Variants in DNAH5 observed in about 807,000 individuals in gnomAD.
The protein encoded by DNAH5 is axonemal beta dynein heavy chain 5.
Under a neutral mutation model 518.2 loss-of-function variants are expected in DNAH5, and 372 were observed. The observed-to-expected ratio is 0.72, with a 90% CI of 0.66 to 0.78. The LOEUF (loss-of-function observed/expected upper bound fraction) is 0.78, where lower values mean the gene tolerates loss of function less well. Among genes scored for constraint, DNAH5 ranks in the 30% least tolerant of loss-of-function variants. DNAH5 has a pLI of 0.00. For missense variants in DNAH5, 5,523 were observed against 5,687.0 expected, an observed-to-expected ratio of 0.97 and a Z score of 0.93; for synonymous variants, 2,039 against 2,025.9, an observed-to-expected ratio of 1.01 and a Z score of -0.17.
chr5:13,883,085 C>T lies in DNAH5; in HGVS notation c.2993G>A (p.Ser998Asn). ...SHTINFRDSN[S>N]ASNMKQNSLP... ...ACTGTTCTGCTTCATGTTAGAGGCA[C>T]TGTTACTGTCTGAGTTAACCCAAAA... Residue 998 changes from serine to asparagine, a missense_variant, in exon 20 of 79, where the codon AGT becomes AAT. Physicochemically the swap from Ser to Asn is conservative, Grantham distance 46. Transcript: ENST00000265104. 6.2e-7 allele frequency: 1 copy of T among 1,613,864 alleles called. No individual in the cohort carries two copies. Among genetic ancestry groups the T allele is most frequent in the Non-Finnish European group, 8.5e-7 (1 of 1,180,012 alleles).
At chr5:13,699,575 G>A (rs1741810594) in intron 78 of DNAH5, among the ~76,000 whole-genome samples, 1 of 152,186 alleles carries the variant, frequency 6.6e-6, no homozygotes, top group Non-Finnish European at 1.5e-5. Flanking sequence ...TTAGCTGGAT[G>A]TGGTGGTGCA....
intron 31 of DNAH5, among the ~76,000 whole-genome samples, chr5:13,845,592 C>T (rs906510177): frequency 2.0e-5 from 3 of 152,130 alleles, no homozygotes; most frequent in South Asian, 2.1e-4. Context: ...TGCTTTCAGC[C>T]GAGCTTTCAT....
At chr5:13,914,009 C>T in intron 10 of DNAH5, 51 bp from the exon 11 acceptor site, 1 of 1,588,498 alleles carries the variant, frequency 6.3e-7, no homozygotes, top group South Asian at 1.1e-5. Flanking sequence ...AAGGTATCAA[C>T]TTTATTTTCT....
At chr5:13,872,100 A>G (rs1387636233) in intron 22 of DNAH5, among the ~76,000 whole-genome samples, 1 of 152,164 alleles carries the variant, frequency 6.6e-6, no homozygotes, top group Non-Finnish European at 1.5e-5. Context: ...CTCACACTAC[A>G]GGGAAGGTGC....
intron 1 of DNAH5, among the ~76,000 whole-genome samples, chr5:13,961,676 G>A (rs1212296373): frequency 1.3e-5 from 2 of 151,884 alleles, no homozygotes; most frequent in Non-Finnish European, 1.5e-5. Context: ...AGAAAGAAAG[G>A]TATGGTAAAG....
At chr5:13,820,524 A>T in intron 40 of DNAH5, 25 bp from the exon 41 acceptor site, 1 of 1,612,928 alleles carries the variant, frequency 6.2e-7, no homozygotes. Flanking sequence ...GAATCCCCAC[A>T]TTGAAACACA....
intron 40 of DNAH5, 75 bp downstream of exon 40, chr5:13,823,188 C>T: frequency 3.0e-6 from 3 of 1,007,108 alleles, no homozygotes; most frequent in Non-Finnish European, 3.2e-6. Context: ...GTTGGAGCCA[C>T]AGCAGCCCCA....
At chr5:13,747,807 C>G (rs918913276) in intron 65 of DNAH5, among the ~76,000 whole-genome samples, 1 of 152,070 alleles carries the variant, frequency 6.6e-6, no homozygotes. Flanking sequence ...GAGTAGATTG[C>G]AAAAATGTTC....
At chr5:13,706,543 C>T (rs758044216) in intron 76 of DNAH5, among the ~76,000 whole-genome samples, 5 of 152,190 alleles carry the variant, frequency 3.3e-5, no homozygotes, top group African/African-American at 4.8e-5. Context: ...TTAATCTTAG[C>T]AAGTTCACTT....
chr5:13,793,171 A>G (rs1231134930), intron 49 of DNAH5, among the ~76,000 whole-genome samples: 3 of 152,218 alleles, frequency 2.0e-5, no homozygotes, highest in African/African-American at 7.2e-5. Flanking sequence ...CATGGAACAT[A>G]GCAATCCAGA....
Position 13,807,596 on chromosome 5 carries a change from A to G in DNAH5, c.7882T>C (p.Phe2628Leu). The change falls in exon 47 of 79, where the codon TTC becomes CTC. Residue 2628 changes from phenylalanine (F) to leucine (L), a missense_variant. This residue lies in a region of DNAH5 where 5,121 missense variants were observed against 5,223.3 expected (regional missense o/e 0.98). Transcript: ENST00000265104. ...NFSSATTPLMFQRTIESYVDK... is the reference protein window; with the variant it reads ...NFSSATTPLMLQRTIESYVDK... ...CCATACCAAAGAGCCAGTACCTGGA[A>G]CATCAGTGGGGTGGTTGCAGAAGAA... 1.2e-6 allele frequency: 2 copies of G among 1,613,716 alleles called. No individual in the cohort carries two copies. Among genetic ancestry groups the G allele is most frequent in the Non-Finnish European group, 8.5e-7 (1 of 1,179,740 alleles).
chr5:13,933,485 T>C (rs1778617945), intron 1 of DNAH5, among the ~76,000 whole-genome samples: 1 of 151,714 alleles, frequency 6.6e-6, no homozygotes, highest in Non-Finnish European at 1.5e-5. Flanking sequence ...GAAAAAGAAG[T>C]GCAAATAAAG....
At chr5:13,820,824 C>CA (rs70964510) in intron 40 of DNAH5, among the ~76,000 whole-genome samples, 33,643 of 66,192 alleles carry the variant, frequency 0.51, 6,239 homozygotes, top group Middle Eastern at 0.58. Context: ...TACTCCGTCT[C>CA]AAAAAAAAAA....
At chr5:13,841,936 A>AAAAAAAAAAG in intron 32 of DNAH5, 32 bp from the exon 33 acceptor site, 1 of 1,072,908 alleles carries the variant, frequency 9.3e-7, no homozygotes, top group African/African-American at 1.6e-5. Context: ...AAAAAAAAAA[A>AAAAAAAAAAG]AGCTATAGTC....
intron 65 of DNAH5, among the ~76,000 whole-genome samples, chr5:13,743,907 C>T (rs1452920749): frequency 2.0e-5 from 3 of 151,912 alleles, no homozygotes; most frequent in Non-Finnish European, 4.4e-5. Flanking sequence ...GGAAGTTCCT[C>T]AAAAAAGTAC....
At chr5:13,775,493 A>T (rs890620723) in intron 55 of DNAH5, among the ~76,000 whole-genome samples, 2 of 152,048 alleles carry the variant, frequency 1.3e-5, no homozygotes, top group Admixed American at 6.6e-5. Context: ...AGATATTTAG[A>T]TAGATAATAG....
At chr5:13,834,219 G>C (rs1764065952) in intron 35 of DNAH5, among the ~76,000 whole-genome samples, 1 of 140,722 alleles carries the variant, frequency 7.1e-6, no homozygotes, top group Admixed American at 7.2e-5. Context: ...TGCTTTTAAA[G>C]TTCTCAGTTT....
At chr5:13,752,048 G>C in intron 64 of DNAH5, 86 bp downstream of exon 64, 1 of 1,391,794 alleles carries the variant, frequency 7.2e-7, no homozygotes, top group African/African-American at 1.4e-5. Context: ...TTAAGTTGTT[G>C]CCTATTGAGA....
intron 75 of DNAH5, among the ~76,000 whole-genome samples, 185 bp downstream of exon 75, chr5:13,714,220 G>A (rs1743986549): frequency 1.3e-5 from 2 of 152,254 alleles, no homozygotes; most frequent in Admixed American, 6.5e-5. Context: ...TTTATATATT[G>A]AAAAGATTAT....
Sources: allele counts gnomAD v4.1 joint callset (sites outside exome capture counted in the v4.1 genomes callset), GRCh38; gene constraint gnomAD v4.1.1; regional missense constraint gnomAD v4.1.1; transcripts MANE v1.5; gene names NCBI Gene and HGNC (gene_info 2026-07-23, HGNC 2026-07-21).